ARHGAP22: variants seen among roughly 807,000 people sequenced by gnomAD.
ARHGAP22 encodes Rho GTPase activating protein 22, also known as rho GTPase-activating protein 22.
ARHGAP22 carries 48 observed loss-of-function variants against 59.1 expected under a neutral mutation model. The observed-to-expected ratio is 0.81, with a 90% CI of 0.64 to 1.03. The LOEUF (loss-of-function observed/expected upper bound fraction) is 1.03. Ranked by LOEUF, ARHGAP22 falls within the 50% of genes least tolerant of loss-of-function variation. The pLI, the probability that ARHGAP22 is intolerant of heterozygous loss-of-function variation, is 0.00. For missense variants in ARHGAP22, 1,015 were observed against 958.7 expected (o/e 1.06, Z -0.78); for synonymous variants, 445 against 416.4 (o/e 1.07, Z -0.84).
chr10:48,564,012 G>A (rs772892160), intron 2 of ARHGAP22, among the ~76,000 whole-genome samples: 3 of 152,180 alleles, frequency 2.0e-5, no homozygotes, highest in South Asian at 2.1e-4. Flanking sequence ...TTAAAAGGAC[G>A]GTCAGTACTT....
chr10:48,431,345 C>T, the ARHGAP22 span: 1 of 877,600 alleles, frequency 1.1e-6, no homozygotes, highest in Non-Finnish European at 1.8e-6. Flanking sequence ...CTGAAACCTG[C>T]AGTTCTTCCC....
chr10:48,456,573 C>T (rs1251112307), intron 5 of ARHGAP22, among the ~76,000 whole-genome samples: 3 of 152,258 alleles, frequency 2.0e-5, no homozygotes, highest in East Asian at 1.9e-4. Context: ...CTGAGTGGAG[C>T]GCAAGAGACT....
At chr10:48,599,540 GA>G (rs1024569204) in intron 1 of ARHGAP22, among the ~76,000 whole-genome samples, 3 of 152,214 alleles carry the variant, frequency 2.0e-5, no homozygotes, top group African/African-American at 7.2e-5. Context: ...TTTTTTCCCA[GA>G]AATATGGGAG....
intron 1 of ARHGAP22, among the ~76,000 whole-genome samples, chr10:48,640,691 T>C (rs1461272880): frequency 6.6e-6 from 1 of 152,240 alleles, no homozygotes; most frequent in Non-Finnish European, 1.5e-5. Context: ...ATAGAATTCC[T>C]TGCTAGCTGA....
chr10:48,523,637 G>A (rs1479566864), intron 3 of ARHGAP22, among the ~76,000 whole-genome samples: 5 of 152,218 alleles, frequency 3.3e-5, no homozygotes, highest in Admixed American at 6.5e-5. Context: ...CAGGGGCGGC[G>A]CAGGGCGCGC....
Position 48,583,085 on chromosome 10 carries a change from C to G in ARHGAP22, c.102G>C (p.Arg34Ser), listed in dbSNP as rs1490356981. 6.2e-7 allele frequency: 1 copy of G among 1,614,264 alleles called. No homozygotes were observed. The highest frequency in any genetic ancestry group is 8.5e-7 in the Non-Finnish European group (1 of 1,180,052). The change falls in exon 2 of 10, where the codon AGG becomes AGC. Residue 34 changes from arginine (R) to serine (S), a missense_variant. Physicochemically the swap from Arg to Ser is moderately radical, Grantham distance 110. Coordinates refer to ENST00000249601, the MANE Select transcript of ARHGAP22 (RefSeq NM_021226.4). ...RSPGRMPCPH[R>S]LGPVLKAGWL... ...AGCCCGCCTTCAGCACGGGGCCCAG[C>G]CTGTGAGGGCACGGCATCCGCCCAG... is the stretch of plus-strand genomic sequence containing the variant.
chr10:48,601,933 G>T (rs2060408162), intron 1 of ARHGAP22, among the ~76,000 whole-genome samples: 1 of 152,186 alleles, frequency 6.6e-6, no homozygotes. Context: ...GATGTACAGG[G>T]CCAGGTGCAG....
intron 5 of ARHGAP22, among the ~76,000 whole-genome samples, chr10:48,459,283 T>C (rs1245170759): frequency 6.6e-6 from 1 of 152,184 alleles, no homozygotes; most frequent in African/African-American, 2.4e-5. Context: ...TGCTGTGCCA[T>C]CTTGCCATTG....
chr10:48,654,018 C>A (rs1198838341), upstream of ARHGAP22, among the ~76,000 whole-genome samples: 1 of 152,196 alleles, frequency 6.6e-6, no homozygotes, highest in Non-Finnish European at 1.5e-5. Context: ...TTCTGAATAT[C>A]CATTTTCTCT....
the ARHGAP22 span, among the ~76,000 whole-genome samples, chr10:48,433,190 C>A: frequency 6.6e-6 from 1 of 152,130 alleles, no homozygotes; most frequent in East Asian, 1.9e-4. Context: ...AAAGAGAAAA[C>A]AAGTGTGTGT....
At chr10:48,552,742 G>T (rs1564867702) in intron 3 of ARHGAP22, among the ~76,000 whole-genome samples, 1 of 152,246 alleles carries the variant, frequency 6.6e-6, no homozygotes, top group Non-Finnish European at 1.5e-5. Flanking sequence ...GGTTTGCTGA[G>T]TTGGATGTGA....
chr10:48,438,857 CCTG>C, the ARHGAP22 span: 5 of 152,090 alleles, frequency 3.3e-5, no homozygotes, highest in East Asian at 7.7e-4. Context: ...TAAGTAGAAA[CCTG>C]CTCGTGATAT....
At chr10:48,559,829 A>T (rs1049599059) in intron 2 of ARHGAP22, among the ~76,000 whole-genome samples, 5 of 152,236 alleles carry the variant, frequency 3.3e-5, no homozygotes, top group African/African-American at 9.6e-5. Context: ...TAAAATTATT[A>T]GTGAAATAGT....
At chr10:48,641,443 A>G (rs2062041362) in intron 1 of ARHGAP22, among the ~76,000 whole-genome samples, 1 of 152,238 alleles carries the variant, frequency 6.6e-6, no homozygotes. Context: ...GGTTCAACAT[A>G]CGCAAATCAA....
chr10:48,650,146 CTTTTTTTTTTTT>C (rs11386532), intron 1 of ARHGAP22, among the ~76,000 whole-genome samples: 5 of 82,058 alleles, frequency 6.1e-5, no homozygotes. Context: ...GCTGGAGACT[CTTTTTTTTTTTT>C]TTTTTTTTTT....
intron 2 of ARHGAP22, among the ~76,000 whole-genome samples, chr10:48,569,198 C>G (rs1168418893): frequency 6.6e-6 from 1 of 152,170 alleles, no homozygotes; most frequent in African/African-American, 2.4e-5. Flanking sequence ...ACAGGTTAGC[C>G]TGAGTAACAT....
chr10:48,587,912 TC>T (rs2059526124), intron 1 of ARHGAP22, among the ~76,000 whole-genome samples: 1 of 152,194 alleles, frequency 6.6e-6, no homozygotes, highest in South Asian at 2.1e-4. Context: ...GCACCCTCTG[TC>T]CCAGCGGTGG....
rs771872838 is a variant in ARHGAP22 at position 48,459,823 on chromosome 10, G to A, written c.520C>T (p.Leu174=). 1.1e-5 allele frequency: 18 copies of A among 1,613,480 alleles called. No individual in the cohort carries two copies. In the East Asian group the frequency reaches 4.0e-4, roughly 36 times the overall value. Residue 174 remains leucine (L), a synonymous_variant, in exon 5 of 10, where the codon CTG becomes TTG. Coordinates refer to ENST00000249601, the MANE Select transcript of ARHGAP22 (RefSeq NM_021226.4). ...ERKYGPRLAP[L]LVEQCVDFIR... is the part of the protein sequence containing the mutation. ...AAGTCCACACACTGCTCCACCAGCA[G>A]GGGCGCCAGGCGGGGGCCATACTTC...
chr10:48,530,236 C>CA (rs60902650), intron 3 of ARHGAP22, among the ~76,000 whole-genome samples: 3,387 of 48,846 alleles, frequency 0.069, 430 homozygotes, highest in East Asian at 0.36. Context: ...GACTCCATTG[C>CA]AAAAAAAAAA....
Sources: gnomAD v4.1 joint callset for allele counts (sites outside exome capture counted in the v4.1 genomes callset) on GRCh38, gnomAD v4.1.1 for gene constraint, MANE v1.5 for transcripts, NCBI Gene and HGNC (gene_info 2026-07-23, HGNC 2026-07-21) for gene names.